Variants in IL1R1 observed in about 807,000 individuals in gnomAD.
IL1R1 encodes the protein interleukin-1 receptor type 1.
Under a neutral mutation model 50.2 loss-of-function variants are expected in IL1R1, and 22 were observed. That is an observed-to-expected ratio of 0.44 (90% CI 0.31 to 0.63). IL1R1 has a LOEUF of 0.63. IL1R1 is among the 20% of genes least tolerant of loss of function. IL1R1 has a pLI of 0.07. For missense variants in IL1R1, 509 were observed against 676.2 expected (o/e 0.75, Z 2.74); for synonymous variants, 251 against 236.7 (o/e 1.06, Z -0.55).
intron 1 of IL1R1, among the ~76,000 whole-genome samples, chr2:102,073,261 T>C (rs1169055148): frequency 7.2e-5 from 11 of 152,174 alleles, no homozygotes; most frequent in Non-Finnish European, 2.9e-5. Context: ...GTGAACATCA[T>C]AGACAAGGTT....
chr2:102,089,736 C>A (rs575286552), intron 1 of IL1R1, among the ~76,000 whole-genome samples: 1 of 151,590 alleles, frequency 6.6e-6, no homozygotes, highest in African/African-American at 2.4e-5. Flanking sequence ...CCTCTGAATG[C>A]CTTTGTTTCT....
At chr2:102,086,036 A>G (rs1236689966) in intron 1 of IL1R1, among the ~76,000 whole-genome samples, 1 of 152,124 alleles carries the variant, frequency 6.6e-6, no homozygotes, top group African/African-American at 2.4e-5. Flanking sequence ...CATTTCATTT[A>G]TGACTTGTTC....
chr2:102,074,712 C>T (rs1273842352), intron 1 of IL1R1, among the ~76,000 whole-genome samples: 1 of 152,176 alleles, frequency 6.6e-6, no homozygotes, highest in Non-Finnish European at 1.5e-5. Context: ...TCTCATTGAC[C>T]TTCTGCTAAG....
At chr2:102,122,649 C>T (rs1423106885) in intron 1 of IL1R1, among the ~76,000 whole-genome samples, 1 of 152,170 alleles carries the variant, frequency 6.6e-6, no homozygotes, top group East Asian at 1.9e-4. Flanking sequence ...AGAGCAAGGA[C>T]ATAGCCATGT....
intron 3 of IL1R1, among the ~76,000 whole-genome samples, chr2:102,162,607 A>T (rs1684828745): frequency 6.6e-6 from 1 of 151,974 alleles, no homozygotes; most frequent in East Asian, 1.9e-4. Flanking sequence ...GGGCTTAAAT[A>T]GCCATCTCTA....
At chr2:102,081,671 C>A (rs981917012) in intron 1 of IL1R1, among the ~76,000 whole-genome samples, 1 of 152,258 alleles carries the variant, frequency 6.6e-6, no homozygotes, top group East Asian at 1.9e-4. Context: ...AAGGCGAAGG[C>A]GAATTAGGCC....
chr2:102,077,706 G>A (rs1679032805), intron 1 of IL1R1, among the ~76,000 whole-genome samples: 1 of 152,144 alleles, frequency 6.6e-6, no homozygotes, highest in Non-Finnish European at 1.5e-5. Context: ...GGCATTGTGA[G>A]TTTGACATTC....
At chr2:102,163,628 C>A (rs1684918334) in intron 3 of IL1R1, among the ~76,000 whole-genome samples, 1 of 152,116 alleles carries the variant, frequency 6.6e-6, no homozygotes. Context: ...AAATGGAATA[C>A]AATAGTAATA....
At chr2:102,156,903 G>A (rs1181543079) in intron 2 of IL1R1, among the ~76,000 whole-genome samples, 1 of 152,174 alleles carries the variant, frequency 6.6e-6, no homozygotes, top group Non-Finnish European at 1.5e-5. Context: ...AAAATATTTT[G>A]TGTTTTCATA....
At chr2:102,082,735 G>A (rs1004893328) in intron 1 of IL1R1, among the ~76,000 whole-genome samples, 1 of 152,096 alleles carries the variant, frequency 6.6e-6, no homozygotes, top group Admixed American at 6.6e-5. Flanking sequence ...CCATCAGCAG[G>A]GCTGTCTTCA....
At chr2:102,102,198 G>C (rs942375235), upstream of IL1R1, among the ~76,000 whole-genome samples, 1 of 152,170 alleles carries the variant, frequency 6.6e-6, no homozygotes, top group African/African-American at 2.4e-5. Flanking sequence ...GTGCTCTCTG[G>C]AAAGGGTACC....
chr2:102,131,674 C>G (rs1483577926), intron 1 of IL1R1, among the ~76,000 whole-genome samples: 1 of 150,380 alleles, frequency 6.6e-6, no homozygotes. Flanking sequence ...GGAGGAAAAA[C>G]AAACAAGTAA....
intron 1 of IL1R1, among the ~76,000 whole-genome samples, chr2:102,124,536 T>A (rs1681587018): frequency 6.6e-6 from 1 of 151,850 alleles, no homozygotes. Flanking sequence ...AAACTTATAA[T>A]CATTGTGGAA....
intron 1 of IL1R1, among the ~76,000 whole-genome samples, chr2:102,094,035 ACCAACCAC>A (rs1679796891): frequency 6.6e-6 from 1 of 152,174 alleles, no homozygotes; most frequent in Non-Finnish European, 1.5e-5. Flanking sequence ...CAACCAACCA[ACCAACCAC>A]ACATATAAAA....
At chr2:102,105,325 A>C (rs1347681732) in intron 1 of IL1R1, among the ~76,000 whole-genome samples, 1 of 38,062 alleles carries the variant, frequency 2.6e-5, no homozygotes, top group Non-Finnish European at 4.0e-5. Context: ...AGAGAGGCAT[A>C]ACCCAATGTT....
At chr2:102,095,120 A>G (rs958063067) in intron 1 of IL1R1, among the ~76,000 whole-genome samples, 2 of 152,174 alleles carry the variant, frequency 1.3e-5, no homozygotes, top group Non-Finnish European at 2.9e-5. Context: ...CCCTCCCCCA[A>G]CACGGTGTCC....
chr2:102,137,677 A>G (rs1247984637), intron 1 of IL1R1, among the ~76,000 whole-genome samples: 1 of 152,198 alleles, frequency 6.6e-6, no homozygotes, highest in Non-Finnish European at 1.5e-5. Context: ...CAATTCCACC[A>G]TATTCTATTG....
chr2:102,154,563 T>A (rs1373035576), intron 2 of IL1R1, among the ~76,000 whole-genome samples: 1 of 151,914 alleles, frequency 6.6e-6, no homozygotes, highest in Non-Finnish European at 1.5e-5. Context: ...GCTTCTCCCC[T>A]CTGGCCCCAA....
intron 6 of IL1R1, among the ~76,000 whole-genome samples, chr2:102,166,823 G>A (rs1685221422): frequency 6.6e-6 from 1 of 152,158 alleles, no homozygotes; most frequent in African/African-American, 2.4e-5. Flanking sequence ...TGGGGTACAC[G>A]AAACTTGTGT....
Sources: gnomAD v4.1 joint callset for allele counts (sites outside exome capture counted in the v4.1 genomes callset) on GRCh38, gnomAD v4.1.1 for gene constraint, MANE v1.5 for transcripts, NCBI Gene and HGNC (gene_info 2026-07-23, HGNC 2026-07-21) for gene names.